The following HPSE2 variants were observed in gnomAD, a reference collection of about 807,000 sequenced individuals.
The protein encoded by HPSE2 is heparanase 2 (inactive).
HPSE2 carries 38 observed loss-of-function variants against 60.5 expected under a neutral mutation model. The ratio of observed to expected loss-of-function variants is 0.63; its 90% CI spans 0.48 to 0.82. The LOEUF (loss-of-function observed/expected upper bound fraction) is 0.82. HPSE2 is among the 40% of genes least tolerant of loss of function. The pLI is 0.00. For missense variants in HPSE2, 713 were observed against 740.4 expected, an observed-to-expected ratio of 0.96 and a Z score of 0.43; for synonymous variants, 295 against 293.2, an observed-to-expected ratio of 1.01 and a Z score of -0.06.
intron 3 of HPSE2, among the ~76,000 whole-genome samples, chr10:98,995,042 G>A (rs1274519000): frequency 2.6e-5 from 4 of 152,154 alleles, no homozygotes; most frequent in Non-Finnish European, 5.9e-5. Flanking sequence ...GTTTCCCCAT[G>A]TCCAGGAGCT....
chr10:98,757,044 T>C (rs1949894678), intron 3 of HPSE2, among the ~76,000 whole-genome samples: 1 of 152,178 alleles, frequency 6.6e-6, no homozygotes, highest in South Asian at 2.1e-4. Context: ...AATTAATAAA[T>C]GTGATTCATC....
At chr10:98,721,410 A>T (rs1030586269) in intron 5 of HPSE2, among the ~76,000 whole-genome samples, 2 of 151,836 alleles carry the variant, frequency 1.3e-5, no homozygotes, top group Admixed American at 6.6e-5. Context: ...TTCCTTTCCA[A>T]CCCATCCTAG....
chr10:98,896,002 G>T (rs1260706039), intron 3 of HPSE2, among the ~76,000 whole-genome samples: 1 of 150,028 alleles, frequency 6.7e-6, no homozygotes, highest in East Asian at 2.0e-4. Context: ...GAGTTAATGG[G>T]TACAGCACAC....
chr10:98,526,046 T>G (rs1223282098), intron 9 of HPSE2, among the ~76,000 whole-genome samples: 1 of 152,218 alleles, frequency 6.6e-6, no homozygotes, highest in African/African-American at 2.4e-5. Context: ...AACAGGGATA[T>G]GACAACTGCC....
intron 9 of HPSE2, among the ~76,000 whole-genome samples, chr10:98,614,064 C>T (rs1053641097): frequency 6.6e-6 from 1 of 152,156 alleles, no homozygotes; most frequent in East Asian, 1.9e-4. Flanking sequence ...CATTGTCACA[C>T]GGGGCTCATC....
intron 9 of HPSE2, among the ~76,000 whole-genome samples, chr10:98,496,217 C>T (rs910593397): frequency 6.6e-6 from 1 of 152,082 alleles, no homozygotes; most frequent in African/African-American, 2.4e-5. Flanking sequence ...CCTGTATACA[C>T]AGTTGCTTTT....
chr10:98,466,263 G>A (rs1045324681), intron 11 of HPSE2, among the ~76,000 whole-genome samples: 1 of 152,196 alleles, frequency 6.6e-6, no homozygotes, highest in Non-Finnish European at 1.5e-5. Context: ...CTGGTGTGTA[G>A]TTCAGGCTGG....
intron 8 of HPSE2, 24 bp downstream of exon 8, chr10:98,620,578 G>A: frequency 6.4e-7 from 1 of 1,551,738 alleles, no homozygotes; most frequent in African/African-American, 1.4e-5. Context: ...AGCCCCTGGG[G>A]GTGAACTTGC....
intron 9 of HPSE2, among the ~76,000 whole-genome samples, chr10:98,597,702 G>A (rs1945281028): frequency 6.7e-6 from 1 of 149,356 alleles, no homozygotes; most frequent in African/African-American, 2.5e-5. Flanking sequence ...TCATCCGCAT[G>A]TGTTGACTTA....
intron 9 of HPSE2, among the ~76,000 whole-genome samples, chr10:98,579,240 G>A (rs1382474973): frequency 2.0e-5 from 3 of 152,132 alleles, no homozygotes; most frequent in Admixed American, 6.6e-5. Context: ...CAACACTACT[G>A]GACAGCATTC....
chr10:98,995,338 G>A (rs1321395375), intron 3 of HPSE2, among the ~76,000 whole-genome samples: 2 of 152,098 alleles, frequency 1.3e-5, no homozygotes, highest in Non-Finnish European at 2.9e-5. Flanking sequence ...TGAGTTTGAT[G>A]ATGCCTATAA....
At chr10:98,566,477 G>GTC (rs1944348998) in intron 9 of HPSE2, among the ~76,000 whole-genome samples, 1 of 152,202 alleles carries the variant, frequency 6.6e-6, no homozygotes, top group Admixed American at 6.5e-5. Flanking sequence ...TGGCCTTCAA[G>GTC]CTACACCTTT....
intron 3 of HPSE2, among the ~76,000 whole-genome samples, chr10:99,098,204 C>T (rs1390226438): frequency 6.6e-6 from 1 of 151,972 alleles, no homozygotes; most frequent in African/African-American, 2.4e-5. Flanking sequence ...AACAATACAA[C>T]AATAAAAATA....
intron 6 of HPSE2, among the ~76,000 whole-genome samples, chr10:98,671,525 T>C (rs1947506417): frequency 3.9e-4 from 2 of 5,194 alleles, no homozygotes; most frequent in Non-Finnish European, 0.011. Flanking sequence ...CGTTCACTTA[T>C]CAACTAAGAA....
At chr10:98,992,363 C>T (rs1433646932) in intron 3 of HPSE2, among the ~76,000 whole-genome samples, 2 of 152,018 alleles carry the variant, frequency 1.3e-5, no homozygotes, top group South Asian at 2.1e-4. Context: ...TCTAAAAGGA[C>T]CAAAATAAGA....
rs188376738 is a variant in HPSE2, at chr10:98,799,144, T to C, written c.611-55088A>G. On this transcript the variant is annotated intron_variant, in intron 3 of 11. Coordinates refer to ENST00000370552, the MANE Select transcript of HPSE2 (RefSeq NM_021828.5). Reference sequence around the variant, plus strand: ...AAAAACAGCAGGAGAGTCATACTTATATCAGACAAAACAGATTTCAAGATA... The same window carrying C: ...AAAAACAGCAGGAGAGTCATACTTACATCAGACAAAACAGATTTCAAGATA... Among the ~76,000 whole-genome samples, 50 of 152,176 alleles carry C rather than the reference T, an allele frequency of 3.3e-4. 1 individual carries two copies. Among genetic ancestry groups the C allele is most frequent in the African/African-American group, 1.1e-3 (46 of 41,448 alleles).
At chr10:98,615,123 C>T in intron 8 of HPSE2, 105 bp from the exon 9 acceptor site, 2 of 795,486 alleles carry the variant, frequency 2.5e-6, no homozygotes, top group East Asian at 2.5e-5. Flanking sequence ...AATCTCCAGT[C>T]ACCAAATTTA....
chr10:98,925,548 A>G (rs1314192179), intron 3 of HPSE2, among the ~76,000 whole-genome samples: 1 of 152,130 alleles, frequency 6.6e-6, no homozygotes, highest in Non-Finnish European at 1.5e-5. Context: ...ACTGCAGTGA[A>G]GTGGGAGGGT....
chr10:99,028,181 A>C (rs1957420083), intron 3 of HPSE2, among the ~76,000 whole-genome samples: 1 of 152,212 alleles, frequency 6.6e-6, no homozygotes, highest in Admixed American at 6.5e-5. Context: ...AAGGGCAGTC[A>C]AATTGGAAAG....
Sources: gnomAD v4.1 joint callset for allele counts (sites outside exome capture counted in the v4.1 genomes callset) on GRCh38, gnomAD v4.1.1 for gene constraint, MANE v1.5 for transcripts, NCBI Gene and HGNC (gene_info 2026-07-23, HGNC 2026-07-21) for gene names.